FLACC1: variants seen among roughly 807,000 people sequenced by gnomAD.
The protein encoded by FLACC1 is flagellum-associated coiled-coil domain-containing protein 1.
In FLACC1, 66 loss-of-function variants were observed where a neutral mutation model predicts 62.8. That is an observed-to-expected ratio of 1.05 (90% CI 0.86 to 1.29). The LOEUF is 1.29. FLACC1 is among the 50% of genes most tolerant of loss of function. The probability of loss-of-function intolerance (pLI) is 0.00; values close to 1 mark genes in which losing one functional copy is unlikely to be tolerated. For missense variants in FLACC1, 452 were observed against 489.1 expected (o/e 0.92, Z 0.71); for synonymous variants, 156 against 161.0 (o/e 0.97, Z 0.24).
chr2:201,329,242 A>C (rs1431499994), intron 9 of FLACC1, among the ~76,000 whole-genome samples: 1 of 152,242 alleles, frequency 6.6e-6, no homozygotes, highest in Non-Finnish European at 1.5e-5. Flanking sequence ...AACCATAATG[A>C]GATACCAGCC....
At chr2:201,309,079 A>G (rs1950161599) in intron 10 of FLACC1, 72 bp downstream of exon 10, 1 of 1,346,240 alleles carries the variant, frequency 7.4e-7, no homozygotes, top group Non-Finnish European at 1.1e-6. Context: ...CACCTTCCTC[A>G]AGTCAAGACC....
At position 201,326,914 on chromosome 2, in the gene FLACC1, C is replaced by T. The variant is rs1950509116; in HGVS notation, c.675+3556G>A. 6.6e-6 allele frequency among the ~76,000 whole-genome samples: 1 copy of T among 152,128 alleles called. No homozygotes were observed. The highest frequency in any genetic ancestry group is 1.9e-4 in the East Asian group (1 of 5,200). On this transcript the variant is annotated intron_variant, in intron 9 of 14. Transcript: ENST00000392257. This position sits in a 1 kb window ranked among gnomAD's most constrained non-coding sequence, Gnocchi z 4.1. ...AATCTGGAGGTATCACATTACTAGA[C>T]TTCAGATTATACTACAAGGCTATAG...
chr2:201,309,337 T>C, intron 9 of FLACC1, 87 bp from the exon 10 acceptor site: 1 of 977,410 alleles, frequency 1.0e-6, no homozygotes, highest in Non-Finnish European at 1.6e-6. Context: ...CAGGGAGGAC[T>C]CCTCTTGGCA....
chr2:201,350,868 T>C (rs1346836558), intron 2 of FLACC1, 86 bp from the exon 3 acceptor site: 5 of 1,152,526 alleles, frequency 4.3e-6, no homozygotes, highest in Non-Finnish European at 5.1e-6. Flanking sequence ...TACATCCCTA[T>C]AGTGACCCAA....
At chr2:201,347,694 C>T (rs1424051942) in intron 4 of FLACC1, among the ~76,000 whole-genome samples, 2 of 151,712 alleles carry the variant, frequency 1.3e-5, no homozygotes, top group African/African-American at 2.4e-5. Flanking sequence ...GTAAAATGTA[C>T]CGATTACATC....
Position 201,309,203 on chromosome 2 carries a change from C to T in FLACC1, c.723G>A (p.Ala241=), listed in dbSNP as rs374535095. 520 of 1,614,086 alleles carry T rather than the reference C, an allele frequency of 3.2e-4. 3 individuals are homozygous for T. In the South Asian group the frequency reaches 4.9e-3, roughly 15 times the overall value. ...CGAACTTCTCATCCTTCTTCCATTT[C>T]GCCTTCTGTTTTGACCACTTCTCTT... The part of the protein sequence containing the change: ...EMEEKWSKQK[A]KWKKDEKFER... The change falls in exon 10 of 15, where the codon GCG becomes GCA. Residue 241 remains alanine (A), a synonymous_variant. Coordinates refer to ENST00000392257, the MANE Select transcript of FLACC1 (RefSeq NM_001127391.3).
At chr2:201,347,614 T>C (rs2125618830) in intron 4 of FLACC1, among the ~76,000 whole-genome samples, 1 of 128,772 alleles carries the variant, frequency 7.8e-6, no homozygotes, top group African/African-American at 2.7e-5. Context: ...CAAAGATTCA[T>C]ACAAAGACCT....
chr2:201,299,136 G>A (rs1376912578), intron 12 of FLACC1, 102 bp downstream of exon 12: 1 of 1,149,238 alleles, frequency 8.7e-7, no homozygotes, highest in African/African-American at 1.6e-5. Flanking sequence ...TTTCTTATTG[G>A]CTTTGGGGAA....
chr2:201,307,699 A>C, intron 10 of FLACC1, 77 bp from the exon 11 acceptor site: 2 of 1,068,862 alleles, frequency 1.9e-6, no homozygotes, highest in Non-Finnish European at 2.9e-6. Flanking sequence ...AGAATATCTA[A>C]AGATAAAAGC....
rs938328539 is a variant in FLACC1, at chr2:201,337,680, T to C, written c.524+4690A>G. The stretch of plus-strand genomic sequence containing the variant: ...CTAGGACTCCAGGCACACTCCATAA[T>C]ACCTGGCTAATTTTTAATCTTTTGT... On this transcript the variant is annotated intron_variant, in intron 7 of 14. Coordinates refer to ENST00000392257, the MANE Select transcript of FLACC1 (RefSeq NM_001127391.3). Among the ~76,000 whole-genome samples, 5 of 152,248 alleles carry C rather than the reference T, an allele frequency of 3.3e-5. No homozygotes were observed. The South Asian group carries it at 8.3e-4, about 25-fold the overall frequency.
At chr2:201,310,388 C>T (rs1369692714) in intron 9 of FLACC1, among the ~76,000 whole-genome samples, 1 of 152,132 alleles carries the variant, frequency 6.6e-6, no homozygotes, top group Non-Finnish European at 1.5e-5. Flanking sequence ...CCTTGTCTGC[C>T]TGACACTTAG....
At chr2:201,351,528 C>G in intron 1 of FLACC1, 77 bp from the exon 2 acceptor site, 1 of 701,964 alleles carries the variant, frequency 1.4e-6, no homozygotes, top group Non-Finnish European at 2.4e-6. Flanking sequence ...GGGAAGAACC[C>G]AGGGAGGACC....
intron 11 of FLACC1, 22 bp from the exon 12 acceptor site, chr2:201,299,322 A>G (rs1949930120): frequency 1.2e-6 from 2 of 1,607,692 alleles, no homozygotes; most frequent in Middle Eastern, 1.7e-4. Flanking sequence ...TTTATTGGGA[A>G]AAGGTTAGCA....
intron 9 of FLACC1, among the ~76,000 whole-genome samples, chr2:201,313,069 T>G (rs996097103): frequency 2.6e-5 from 4 of 152,210 alleles, no homozygotes; most frequent in Non-Finnish European, 5.9e-5. Flanking sequence ...GTGGGCTCTC[T>G]GGGTTCCCAG....
intron 7 of FLACC1, among the ~76,000 whole-genome samples, chr2:201,340,995 C>T (rs1008223777): frequency 5.9e-5 from 9 of 152,128 alleles, no homozygotes; most frequent in South Asian, 4.2e-4. Context: ...TTGTATGTGA[C>T]GTGTTTCTTA....
intron 5 of FLACC1, among the ~76,000 whole-genome samples, chr2:201,344,954 C>T (rs1037900805): frequency 6.6e-6 from 1 of 152,142 alleles, no homozygotes; most frequent in African/African-American, 2.4e-5. Context: ...AGAGGAGATA[C>T]AGGAGGAGAC....
At chr2:201,343,620 C>G in intron 6 of FLACC1, among the ~76,000 whole-genome samples, 1 of 152,222 alleles carries the variant, frequency 6.6e-6, no homozygotes, top group East Asian at 1.9e-4. Flanking sequence ...GGCTGTCACT[C>G]CAGGCCAGGC....
At chr2:201,322,147 T>C (rs984624868) in intron 9 of FLACC1, among the ~76,000 whole-genome samples, 22 of 151,570 alleles carry the variant, frequency 1.5e-4, no homozygotes, top group African/African-American at 5.3e-4. Flanking sequence ...CAGGCACCTG[T>C]AATCCCAGCT....
chr2:201,354,156 G>A (rs986973267), intron 1 of FLACC1, among the ~76,000 whole-genome samples: 56 of 152,292 alleles, frequency 3.7e-4, no homozygotes, highest in Non-Finnish European at 4.6e-4. Context: ...AGGACCTTAA[G>A]GTTGAATCTG....
Sources: gnomAD v4.1 joint callset for allele counts (sites outside exome capture counted in the v4.1 genomes callset) on GRCh38, gnomAD v4.1.1 for gene constraint, Gnocchi (gnomAD v3.1) non-coding constraint, MANE v1.5 for transcripts, NCBI Gene and HGNC (gene_info 2026-07-23, HGNC 2026-07-21) for gene names.